Variants in MACROD2 observed in about 807,000 individuals in gnomAD.
The protein encoded by MACROD2 is ADP-ribose glycohydrolase MACROD2.
A neutral mutation model predicts 70.4 loss-of-function variants in MACROD2; 36 were observed. The observed-to-expected ratio is 0.51, with a 90% CI of 0.39 to 0.68. MACROD2 has a LOEUF of 0.68. MACROD2 is among the 30% of genes least tolerant of loss of function. The pLI is 0.00. For synonymous variants in MACROD2, 172 were observed against 178.8 expected (o/e 0.96, Z 0.30); for missense variants, 496 against 538.4 (o/e 0.92, Z 0.78).
intron 17 of MACROD2, among the ~76,000 whole-genome samples, chr20:16,047,784 G>C (rs1190644298): frequency 6.6e-6 from 1 of 152,228 alleles, no homozygotes; most frequent in Non-Finnish European, 1.5e-5. Flanking sequence ...TGGGGCTTTA[G>C]ATTGTTGATA....
chr20:15,296,375 A>G (rs2077588946), intron 6 of MACROD2, among the ~76,000 whole-genome samples: 1 of 150,034 alleles, frequency 6.7e-6, no homozygotes, highest in Non-Finnish European at 1.5e-5. Flanking sequence ...AGCAAATGTA[A>G]CAAAATGATC....
chr20:14,626,850 G>A, intron 4 of MACROD2: 1 of 152,208 alleles, frequency 6.6e-6, no homozygotes, highest in East Asian at 1.9e-4. Context: ...CCTAAGACAG[G>A]TGTGGTGATT....
chr20:14,577,622 A>G (rs1440601688), intron 4 of MACROD2, among the ~76,000 whole-genome samples: 1 of 152,100 alleles, frequency 6.6e-6, no homozygotes, highest in African/African-American at 2.4e-5. Flanking sequence ...TCAAAAAAAT[A>G]AAATAAAAAA....
At chr20:14,836,555 T>C (rs1332737574) in intron 5 of MACROD2, among the ~76,000 whole-genome samples, 1 of 152,040 alleles carries the variant, frequency 6.6e-6, no homozygotes, top group Non-Finnish European at 1.5e-5. Flanking sequence ...TCCTCCAATC[T>C]GAAATGGCAC....
intron 3 of MACROD2, among the ~76,000 whole-genome samples, chr20:14,288,456 T>A (rs2082361435): frequency 6.6e-6 from 1 of 152,186 alleles, no homozygotes; most frequent in Admixed American, 6.5e-5. Flanking sequence ...TTTTTGGCTG[T>A]CCCTTGTAGG....
intron 4 of MACROD2, among the ~76,000 whole-genome samples, chr20:14,562,680 G>A (rs984300923): frequency 6.6e-6 from 1 of 151,870 alleles, no homozygotes; most frequent in Non-Finnish European, 1.5e-5. Flanking sequence ...GAGATTTTCA[G>A]TCAATCACCC....
chr20:15,854,281 G>A (rs567699988), intron 8 of MACROD2, among the ~76,000 whole-genome samples: 76 of 152,266 alleles, frequency 5.0e-4, no homozygotes, highest in African/African-American at 1.7e-3. Context: ...TCTTGCTGGC[G>A]TGGAAGAAAA....
intron 5 of MACROD2, chr20:14,888,734 T>A (rs1306100498): frequency 6.6e-6 from 1 of 152,218 alleles, no homozygotes; most frequent in East Asian, 1.9e-4. Flanking sequence ...CATGATAAAC[T>A]TGAACCATGT....
intron 3 of MACROD2, among the ~76,000 whole-genome samples, chr20:14,327,967 G>A (rs2082765718): frequency 6.6e-6 from 1 of 151,740 alleles, no homozygotes; most frequent in African/African-American, 2.4e-5. Flanking sequence ...TATATTTAAA[G>A]GTAATCATTT....
chr20:16,029,439 T>G (rs965064055), intron 15 of MACROD2, among the ~76,000 whole-genome samples: 3 of 152,210 alleles, frequency 2.0e-5, no homozygotes, highest in Admixed American at 2.0e-4. Flanking sequence ...TGTAGTCACA[T>G]TTTAAAACCT....
At chr20:14,325,758 G>T (rs2082722316) in intron 3 of MACROD2, 1 of 1,613,748 alleles carries the variant, frequency 6.2e-7, no homozygotes. Context: ...GGATAGAGTT[G>T]TCCTTCTTAG....
intron 6 of MACROD2, among the ~76,000 whole-genome samples, chr20:15,342,640 C>T (rs368970034): frequency 6.6e-6 from 1 of 152,032 alleles, no homozygotes; most frequent in South Asian, 2.1e-4. Context: ...TGTTAGATTA[C>T]GACCAAGGAT....
intron 3 of MACROD2, among the ~76,000 whole-genome samples, chr20:14,451,634 C>A (rs545426827): frequency 6.6e-6 from 1 of 152,112 alleles, no homozygotes; most frequent in Non-Finnish European, 1.5e-5. Flanking sequence ...TCCCAGGGCA[C>A]GTAGACTCAG....
At chr20:15,108,954 G>A (rs1176403499) in intron 5 of MACROD2, among the ~76,000 whole-genome samples, 2 of 152,070 alleles carry the variant, frequency 1.3e-5, no homozygotes, top group African/African-American at 4.8e-5. Context: ...GTCCAGATCT[G>A]CACAGTTATT....
intron 3 of MACROD2, among the ~76,000 whole-genome samples, chr20:14,194,459 G>A (rs2081413685): frequency 6.6e-6 from 1 of 152,120 alleles, no homozygotes; most frequent in East Asian, 1.9e-4. Flanking sequence ...ATAGGGATAG[G>A]GGATAATTGC....
At chr20:14,017,259 A>T (rs1187287627) in intron 2 of MACROD2, among the ~76,000 whole-genome samples, 1 of 152,154 alleles carries the variant, frequency 6.6e-6, no homozygotes, top group Non-Finnish European at 1.5e-5. Context: ...CGATCATGTC[A>T]TCTGTGAACA....
intron 7 of MACROD2, among the ~76,000 whole-genome samples, chr20:15,439,044 GA>G (rs2146371010): frequency 6.6e-6 from 1 of 152,260 alleles, no homozygotes; most frequent in African/African-American, 2.4e-5. Flanking sequence ...AGGTAAAATG[GA>G]AACTCAAGAA....
chr20:14,641,814 A>G (rs2123492427), intron 4 of MACROD2, among the ~76,000 whole-genome samples: 1 of 152,320 alleles, frequency 6.6e-6, no homozygotes, highest in South Asian at 2.1e-4. Flanking sequence ...TCCATTTATA[A>G]AGCACAGTTA....
intron 6 of MACROD2, among the ~76,000 whole-genome samples, chr20:15,243,186 T>A (rs2077075061): frequency 6.6e-6 from 1 of 152,084 alleles, no homozygotes; most frequent in Admixed American, 6.5e-5. Flanking sequence ...TCTGGCAACA[T>A]CCCTTGAAGC....
Sources: allele counts gnomAD v4.1 joint callset (sites outside exome capture counted in the v4.1 genomes callset), GRCh38; gene constraint gnomAD v4.1.1; transcripts MANE v1.5; gene names NCBI Gene and HGNC (gene_info 2026-07-23, HGNC 2026-07-21).